Variants in NELL2 observed in about 807,000 individuals in gnomAD.
NELL2 encodes the protein protein kinase C-binding protein NELL2.
In NELL2, 41 loss-of-function variants were observed where a neutral mutation model predicts 109.6. That is an observed-to-expected ratio of 0.37 (90% CI 0.29 to 0.49). NELL2 has a LOEUF of 0.49. Ranked by LOEUF, NELL2 falls within the 20% of genes least tolerant of loss-of-function variation. The probability of loss-of-function intolerance (pLI) is 0.98; values close to 1 mark genes in which losing one functional copy is unlikely to be tolerated. For synonymous variants in NELL2, 355 were observed against 344.7 expected (o/e 1.03, Z -0.33); for missense variants, 900 against 1,008.3 (o/e 0.89, Z 1.45).
chr12:44,774,359 A>C (rs948507148), intron 9 of NELL2, among the ~76,000 whole-genome samples: 10 of 152,184 alleles, frequency 6.6e-5, no homozygotes, highest in African/African-American at 1.9e-4. Flanking sequence ...ATGGAACAGC[A>C]TATCTTCTGC....
intron 2 of NELL2, among the ~76,000 whole-genome samples, chr12:44,832,374 G>T (rs1358861328): frequency 6.6e-6 from 1 of 152,214 alleles, no homozygotes; most frequent in African/African-American, 2.4e-5. Context: ...AAGTGAAAAT[G>T]CCTATTAACT....
intron 3 of NELL2, among the ~76,000 whole-genome samples, chr12:44,801,506 A>G (rs1942828343): frequency 6.6e-6 from 1 of 152,094 alleles, no homozygotes; most frequent in African/African-American, 2.4e-5. Flanking sequence ...ATTTGTCAGG[A>G]TAATAGTTAG....
chr12:44,688,677 G>C (rs138191202), intron 12 of NELL2, among the ~76,000 whole-genome samples: 65 of 152,272 alleles, frequency 4.3e-4, no homozygotes, highest in African/African-American at 1.5e-3. Context: ...CAGATAGACA[G>C]ATTTTGATTT....
intron 12 of NELL2, among the ~76,000 whole-genome samples, chr12:44,688,976 T>G (rs573164370): frequency 7.9e-5 from 12 of 152,328 alleles, no homozygotes; most frequent in African/African-American, 2.9e-4. Flanking sequence ...AGCAATCTGT[T>G]AAGAATAGTG....
intron 1 of NELL2, among the ~76,000 whole-genome samples, chr12:44,919,410 T>C (rs375423866): frequency 7.9e-5 from 12 of 152,118 alleles, no homozygotes; most frequent in East Asian, 5.8e-4. Flanking sequence ...GTTATTATTG[T>C]GGGTTGCACT....
intron 13 of NELL2, among the ~76,000 whole-genome samples, chr12:44,625,485 G>T (rs1946223453): frequency 6.6e-6 from 1 of 151,956 alleles, no homozygotes; most frequent in Admixed American, 6.6e-5. Flanking sequence ...ATTTATCATT[G>T]CCAAACCTTC....
At position 44,779,722 on chromosome 12, in the gene NELL2, A is replaced by T; in HGVS notation, c.547T>A (p.Leu183Met). 6.2e-7 allele frequency: 1 copy of T among 1,614,012 alleles called. No individual in the cohort carries two copies. Among genetic ancestry groups the T allele is most frequent in the Non-Finnish European group, 8.5e-7 (1 of 1,179,882 alleles). ...ERVVEKPSTD[L>M]PLGTTFWLGQ... ...AGCCAAAATGTTGTGCCTAGAGGCAAGTCTGTGGAGGGCTTTTCTACTACC... is the reference window on the plus strand; with the variant it reads ...AGCCAAAATGTTGTGCCTAGAGGCATGTCTGTGGAGGGCTTTTCTACTACC... The change falls in exon 5 of 20, where the codon TTG becomes ATG. Residue 183 changes from leucine to methionine, a missense_variant. Physicochemically the swap from Leu to Met is conservative, Grantham distance 15. Coordinates refer to ENST00000429094, the MANE Select transcript of NELL2 (RefSeq NM_001145108.2).
At chr12:44,624,581 C>T (rs1946171197) in intron 13 of NELL2, among the ~76,000 whole-genome samples, 1 of 152,084 alleles carries the variant, frequency 6.6e-6, no homozygotes, top group Non-Finnish European at 1.5e-5. Flanking sequence ...ATGTTATCTA[C>T]ACATGTTCCA....
chr12:44,660,494 C>T (rs1481502193), intron 13 of NELL2, among the ~76,000 whole-genome samples: 2 of 152,164 alleles, frequency 1.3e-5, no homozygotes, highest in Non-Finnish European at 2.9e-5. Context: ...TGGCCTCTAC[C>T]TACCAGATCC....
At chr12:44,643,706 T>A (rs1404111133) in intron 13 of NELL2, among the ~76,000 whole-genome samples, 1 of 152,162 alleles carries the variant, frequency 6.6e-6, no homozygotes, top group Non-Finnish European at 1.5e-5. Flanking sequence ...TGCAGTATAT[T>A]TATATTAACC....
intron 15 of NELL2, among the ~76,000 whole-genome samples, chr12:44,579,152 C>T (rs1214848314): frequency 6.6e-6 from 1 of 152,074 alleles, no homozygotes; most frequent in Non-Finnish European, 1.5e-5. Context: ...TGATTTGTCC[C>T]TGAATTGTTG....
intron 19 of NELL2, among the ~76,000 whole-genome samples, chr12:44,509,678 A>G (rs140359475): frequency 1.3e-5 from 2 of 152,296 alleles, no homozygotes; most frequent in Non-Finnish European, 2.9e-5. Flanking sequence ...GAATGTGAGA[A>G]ATGAATTTCT....
chr12:44,648,574 A>C (rs560074486), intron 13 of NELL2, among the ~76,000 whole-genome samples: 2 of 152,018 alleles, frequency 1.3e-5, no homozygotes, highest in African/African-American at 4.8e-5. Context: ...TGTGAAGACA[A>C]AGCTGGTGAC....
intron 1 of NELL2, among the ~76,000 whole-genome samples, chr12:44,891,693 G>A (rs1029190707): frequency 2.0e-5 from 3 of 152,198 alleles, no homozygotes; most frequent in Admixed American, 2.0e-4. Flanking sequence ...TAGACTGAAA[G>A]CTCTACTGTA....
chr12:44,710,617 T>C (rs902550843), intron 11 of NELL2, among the ~76,000 whole-genome samples: 4 of 152,162 alleles, frequency 2.6e-5, no homozygotes, highest in Admixed American at 2.6e-4. Context: ...AGTTTAAAAA[T>C]CTTTAGTGAT....
In NELL2 at chr12:44,662,213, T is replaced by C. The variant is rs570289617; in HGVS notation, c.1444+3271A>G. On this transcript the variant is annotated intron_variant, in intron 13 of 19. Transcript: ENST00000429094. ...TCATATTTATTCCACTAACTTCTGATTTAGGGTCATTATTATAAGATCTGT... is the reference window on the plus strand; with the variant it reads ...TCATATTTATTCCACTAACTTCTGACTTAGGGTCATTATTATAAGATCTGT... 7.9e-5 allele frequency among the ~76,000 whole-genome samples: 12 copies of C among 152,314 alleles called. No homozygotes were observed. In the East Asian group the frequency reaches 2.3e-3, roughly 29 times the overall value.
chr12:44,553,193 G>A (rs1025155947), intron 15 of NELL2, among the ~76,000 whole-genome samples: 11 of 148,934 alleles, frequency 7.4e-5, no homozygotes, highest in Non-Finnish European at 1.2e-4. Context: ...TGGGTGCAGC[G>A]CACCAGCATG....
intron 1 of NELL2, among the ~76,000 whole-genome samples, chr12:44,902,380 C>T (rs891402985): frequency 2.6e-5 from 4 of 152,020 alleles, no homozygotes; most frequent in African/African-American, 9.7e-5. Flanking sequence ...AACTAAAAAC[C>T]GCTGCTCAAG....
chr12:44,815,828 A>G, intron 3 of NELL2, 158 bp downstream of exon 3: 1 of 661,336 alleles, frequency 1.5e-6, no homozygotes, highest in Non-Finnish European at 2.4e-6. Flanking sequence ...CATATTGGTC[A>G]GGCTGGTCTT....
Sources: allele counts gnomAD v4.1 joint callset (sites outside exome capture counted in the v4.1 genomes callset), GRCh38; gene constraint gnomAD v4.1.1; transcripts MANE v1.5; gene names NCBI Gene and HGNC (gene_info 2026-07-23, HGNC 2026-07-21).